NTRK2: variants seen among roughly 807,000 people sequenced by gnomAD.
The protein encoded by NTRK2 is BDNF/NT-3 growth factors receptor.
Under a neutral mutation model 94.5 loss-of-function variants are expected in NTRK2, and 13 were observed. The ratio of observed to expected loss-of-function variants is 0.14; its 90% confidence interval spans 0.09 to 0.22. The LOEUF is 0.22. Ranked by LOEUF, NTRK2 falls within the 10% of genes least tolerant of loss-of-function variation. NTRK2 has a pLI of 1.00. For missense variants in NTRK2, 639 were observed against 1,071.2 expected (o/e 0.60, Z 5.63); for synonymous variants, 372 against 407.4 (o/e 0.91, Z 1.05).
intron 6 of NTRK2, among the ~76,000 whole-genome samples, chr9:84,721,766 G>A (rs969370707): frequency 6.6e-6 from 1 of 152,122 alleles, no homozygotes; most frequent in African/African-American, 2.4e-5. Context: ...GTGCCACATG[G>A]GTAAGGTGGG....
At chr9:85,003,603 T>A (rs1830560499) in intron 17 of NTRK2, among the ~76,000 whole-genome samples, 1 of 152,012 alleles carries the variant, frequency 6.6e-6, no homozygotes, top group Admixed American at 6.6e-5. Context: ...AATGTTTGGA[T>A]TTTGTTCCGA....
At chr9:84,685,396 G>T (rs2059650377) in intron 2 of NTRK2, among the ~76,000 whole-genome samples, 1 of 145,236 alleles carries the variant, frequency 6.9e-6, no homozygotes. Context: ...AAGTATTAGT[G>T]TCTTACTCAT....
intron 17 of NTRK2, among the ~76,000 whole-genome samples, chr9:84,957,711 A>G (rs1824326130): frequency 6.6e-6 from 1 of 152,250 alleles, no homozygotes; most frequent in African/African-American, 2.4e-5. Context: ...ACATAGAGTT[A>G]CCATGTAATT....
At chr9:84,894,065 A>G (rs1477734869) in intron 14 of NTRK2, among the ~76,000 whole-genome samples, 1 of 151,574 alleles carries the variant, frequency 6.6e-6, no homozygotes, top group Non-Finnish European at 1.5e-5. Context: ...TGGGTCTCTC[A>G]GTGTTATTTG....
intron 12 of NTRK2, among the ~76,000 whole-genome samples, chr9:84,800,316 G>C (rs969797225): frequency 6.6e-6 from 1 of 152,032 alleles, no homozygotes; most frequent in Non-Finnish European, 1.5e-5. Context: ...GATTCTTCCG[G>C]CCTCAGTCTC....
At chr9:85,004,023 A>AAGAG (rs1830625901) in intron 17 of NTRK2, among the ~76,000 whole-genome samples, 11 of 62,832 alleles carry the variant, frequency 1.8e-4, no homozygotes, top group Non-Finnish European at 2.5e-4. Flanking sequence ...GAAAGAGAGA[A>AAGAG]AGAAAGAAAG....
chr9:84,751,844 A>G (rs911654438), intron 11 of NTRK2, 142 bp from the exon 12 acceptor site: 20 of 713,590 alleles, frequency 2.8e-5, no homozygotes, highest in Non-Finnish European at 4.1e-5. Context: ...GTTGGTGTAC[A>G]TAAGGCTGTT....
chr9:84,799,776 G>T (rs1363497579), intron 12 of NTRK2, among the ~76,000 whole-genome samples: 1 of 152,098 alleles, frequency 6.6e-6, no homozygotes. Flanking sequence ...AGTTCAGTTG[G>T]GGGTGGGAGA....
At chr9:84,975,599 T>G (rs1391098058) in intron 17 of NTRK2, among the ~76,000 whole-genome samples, 1 of 152,216 alleles carries the variant, frequency 6.6e-6, no homozygotes, top group Non-Finnish European at 1.5e-5. Context: ...ACCTTAAGGA[T>G]GTGACGTTAT....
At position 85,021,508 on chromosome 9, in the gene NTRK2, C is replaced by A; in HGVS notation, c.*71C>A. On this transcript the variant is annotated 3_prime_UTR_variant, in exon 19 of 19. Coordinates refer to ENST00000277120, the MANE Select transcript of NTRK2 (RefSeq NM_006180.6). Reference sequence around the variant, plus strand: ...GGCTGAGAGGATGAACATCTTTTAACTGCCGCTGGAGGCCACCAAGCTGCT... The same window carrying A: ...GGCTGAGAGGATGAACATCTTTTAAATGCCGCTGGAGGCCACCAAGCTGCT... 1 of 1,510,890 alleles carries A rather than the reference C, an allele frequency of 6.6e-7. No homozygotes were observed. The highest frequency in any genetic ancestry group is 1.1e-5 in the South Asian group (1 of 88,540). The allele number at this position is 1,510,890 out of a possible 1,614,324, so 93.6% of individuals were successfully genotyped here.
At chr9:84,946,687 G>T (rs1260293773) in intron 15 of NTRK2, among the ~76,000 whole-genome samples, 4 of 152,192 alleles carry the variant, frequency 2.6e-5, no homozygotes, top group Admixed American at 2.0e-4. Flanking sequence ...GCTATAACAG[G>T]TTACTGCAAA....
chr9:84,767,712 A>G (rs561585598), intron 12 of NTRK2, among the ~76,000 whole-genome samples: 13 of 152,108 alleles, frequency 8.5e-5, no homozygotes, highest in Non-Finnish European at 1.8e-4. Flanking sequence ...TTCTTCCCAC[A>G]TATTTCCCCA....
intron 17 of NTRK2, among the ~76,000 whole-genome samples, chr9:84,964,462 C>T (rs1825319328): frequency 1.3e-5 from 2 of 152,208 alleles, no homozygotes; most frequent in African/African-American, 4.8e-5. Context: ...GAAGTTTTTC[C>T]TTCGGCCATG....
At chr9:84,737,866 G>A (rs1003091999) in intron 9 of NTRK2, among the ~76,000 whole-genome samples, 14 of 151,468 alleles carry the variant, frequency 9.2e-5, no homozygotes, top group African/African-American at 3.2e-4. Flanking sequence ...ACTCACTTTC[G>A]GTAATTCTTG....
At chr9:84,724,195 G>A (rs754483231) in intron 7 of NTRK2, 29 bp from the exon 8 acceptor site, 3 of 1,613,830 alleles carry the variant, frequency 1.9e-6, no homozygotes, top group Non-Finnish European at 1.7e-6. Flanking sequence ...CCTAATCAAG[G>A]TTATTTTTGT....
chr9:84,700,919 C>T (rs13301519), intron 2 of NTRK2, among the ~76,000 whole-genome samples: 3,930 of 152,268 alleles, frequency 0.026, 74 homozygotes, highest in Admixed American at 0.047. Flanking sequence ...TCCATCCATC[C>T]GTCCATCCAT....
chr9:84,883,168 G>C (rs2076315363), intron 14 of NTRK2, among the ~76,000 whole-genome samples: 1 of 152,172 alleles, frequency 6.6e-6, no homozygotes, highest in Non-Finnish European at 1.5e-5. Context: ...TTGTTAAAAA[G>C]TCCCCAGACG....
At chr9:84,924,228 G>GAAAGA (rs1564468564) in intron 14 of NTRK2, among the ~76,000 whole-genome samples, 5 of 92,424 alleles carry the variant, frequency 5.4e-5, no homozygotes, top group African/African-American at 2.1e-4. Flanking sequence ...AAGAAAGAAA[G>GAAAGA]TAGAAAGAAA....
At chr9:84,967,271 C>G (rs575078949) in intron 17 of NTRK2, among the ~76,000 whole-genome samples, 4 of 152,188 alleles carry the variant, frequency 2.6e-5, no homozygotes, top group Non-Finnish European at 4.4e-5. Flanking sequence ...GCCCCTGCCC[C>G]GCAACCCCTC....
Sources: gnomAD v4.1 joint callset for allele counts (sites outside exome capture counted in the v4.1 genomes callset) on GRCh38, gnomAD v4.1.1 for gene constraint, MANE v1.5 for transcripts, NCBI Gene and HGNC (gene_info 2026-07-23, HGNC 2026-07-21) for gene names.